Variants in PCDH15 observed in about 807,000 individuals in gnomAD.
PCDH15 encodes the protein protocadherin-15.
A neutral mutation model predicts 178.5 loss-of-function variants in PCDH15; 129 were observed. That is an observed-to-expected ratio of 0.72 (90% CI 0.63 to 0.84). PCDH15 has a LOEUF of 0.84. PCDH15 is among the 40% of genes least tolerant of loss of function. The pLI, the probability that PCDH15 is intolerant of heterozygous loss-of-function variation, is 0.00. For missense variants in PCDH15, 2,230 were observed against 2,099.9 expected (o/e 1.06, Z -1.21); for synonymous variants, 800 against 732.0 (o/e 1.09, Z -1.50).
At chr10:54,113,608 G>A (rs1296340947) in intron 15 of PCDH15, among the ~76,000 whole-genome samples, 1 of 138,584 alleles carries the variant, frequency 7.2e-6, no homozygotes, top group African/African-American at 3.1e-5. Flanking sequence ...ACTGTGTTCT[G>A]CACTTCTCTA....
intron 2 of PCDH15, among the ~76,000 whole-genome samples, chr10:55,330,202 G>T (rs565344632): frequency 4.0e-4 from 60 of 151,634 alleles, no homozygotes; most frequent in Non-Finnish European, 6.8e-4. Flanking sequence ...CTAGATATTT[G>T]AGGCTTTTAT....
At chr10:54,954,711 TC>T (rs1385585507) in intron 2 of PCDH15, among the ~76,000 whole-genome samples, 1 of 151,256 alleles carries the variant, frequency 6.6e-6, no homozygotes. Flanking sequence ...AATTTTTAGC[TC>T]TGGTAGGATT....
chr10:54,038,012 G>A (rs1027710363), intron 18 of PCDH15, among the ~76,000 whole-genome samples: 26 of 151,834 alleles, frequency 1.7e-4, no homozygotes, highest in African/African-American at 6.3e-4. Context: ...AGAAAAGACT[G>A]GGCTCAGAGG....
chr10:54,187,775 G>A (rs2048609498), intron 11 of PCDH15, among the ~76,000 whole-genome samples: 1 of 151,660 alleles, frequency 6.6e-6, no homozygotes, highest in Non-Finnish European at 1.5e-5. Context: ...TTACATTTAT[G>A]TATATTTAAA....
chr10:55,371,217 G>GA (rs1845500260), intron 2 of PCDH15, among the ~76,000 whole-genome samples: 1 of 152,066 alleles, frequency 6.6e-6, no homozygotes, highest in African/African-American at 2.4e-5. Context: ...ATTATAGGGA[G>GA]ACTACTACAG....
intron 1 of PCDH15, among the ~76,000 whole-genome samples, chr10:54,726,148 T>C (rs1942467780): frequency 6.6e-6 from 1 of 151,120 alleles, no homozygotes; most frequent in African/African-American, 2.4e-5. Context: ...CAATACTACA[T>C]GCCTTTTATA....
chr10:55,018,968 A>G (rs981350892), intron 2 of PCDH15, among the ~76,000 whole-genome samples: 2 of 152,152 alleles, frequency 1.3e-5, no homozygotes, highest in African/African-American at 4.8e-5. Flanking sequence ...ATTATCAAGT[A>G]TCATAACAAA....
At chr10:54,260,264 A>T (rs1200917544) in intron 8 of PCDH15, among the ~76,000 whole-genome samples, 3 of 152,164 alleles carry the variant, frequency 2.0e-5, no homozygotes, top group Admixed American at 1.3e-4. Context: ...GAAACTATTT[A>T]AAAAGTCCAT....
chr10:54,686,041 A>ATTTTTTTTTTTTTTTTTTT (rs66539612), intron 1 of PCDH15, among the ~76,000 whole-genome samples: 38 of 126,868 alleles, frequency 3.0e-4, no homozygotes, highest in Admixed American at 4.2e-4. Context: ...AAGACAGCCA[A>ATTTTTTTTTTTTTTTTTTT]TTTTTTTTTT....
intron 1 of PCDH15, among the ~76,000 whole-genome samples, chr10:54,687,367 C>T (rs1239156528): frequency 6.6e-6 from 1 of 152,104 alleles, no homozygotes; most frequent in African/African-American, 2.4e-5. Context: ...TACTCTTATG[C>T]TCATTGCGAC....
chr10:55,374,648 T>C (rs1588965888), intron 2 of PCDH15, among the ~76,000 whole-genome samples: 1 of 151,946 alleles, frequency 6.6e-6, no homozygotes, highest in Non-Finnish European at 1.5e-5. Flanking sequence ...ATTAATACTA[T>C]TAGTATATGT....
chr10:54,407,377 C>T (rs1189889312), intron 3 of PCDH15, among the ~76,000 whole-genome samples: 1 of 151,778 alleles, frequency 6.6e-6, no homozygotes, highest in Non-Finnish European at 1.5e-5. Flanking sequence ...CTCAAATATC[C>T]ATAAATATAA....
chr10:55,213,770 T>C (rs1840630354), intron 1 of PCDH15, among the ~76,000 whole-genome samples: 1 of 151,918 alleles, frequency 6.6e-6, no homozygotes, highest in Non-Finnish European at 1.5e-5. Context: ...AACTTCTTTA[T>C]TGCATTTGTT....
chr10:55,008,297 A>G (rs1200111101), intron 2 of PCDH15, among the ~76,000 whole-genome samples: 1 of 152,042 alleles, frequency 6.6e-6, no homozygotes, highest in Admixed American at 6.6e-5. Context: ...GTTTAACTCT[A>G]TGGGCACATG....
chr10:53,983,445 C>G (rs916109249), intron 21 of PCDH15, among the ~76,000 whole-genome samples: 7 of 151,070 alleles, frequency 4.6e-5, no homozygotes, highest in Non-Finnish European at 1.0e-4. Context: ...CTCCCTCTTC[C>G]CTGTTTTTAA....
intron 16 of PCDH15, among the ~76,000 whole-genome samples, chr10:54,089,200 CAT>C (rs1383934930): frequency 2.0e-5 from 3 of 152,196 alleles, no homozygotes; most frequent in African/African-American, 7.2e-5. Context: ...TTATGCCCCA[CAT>C]GTTCCTGAGT....
intron 17 of PCDH15, 142 bp downstream of exon 17, chr10:54,079,189 G>T: frequency 2.4e-6 from 2 of 850,436 alleles, no homozygotes; most frequent in Non-Finnish European, 4.0e-6. Flanking sequence ...ATAGCCTGTT[G>T]AAGAAAAGAG....
chr10:55,051,044 T>G (rs1383030710), intron 2 of PCDH15, among the ~76,000 whole-genome samples: 1 of 152,124 alleles, frequency 6.6e-6, no homozygotes, highest in African/African-American at 2.4e-5. Flanking sequence ...GTGTACAATA[T>G]CCCATATACT....
chr10:54,821,534 G>T (rs1953040403), intron 3 of PCDH15, among the ~76,000 whole-genome samples: 1 of 151,836 alleles, frequency 6.6e-6, no homozygotes, highest in African/African-American at 2.4e-5. Flanking sequence ...ACAATATATA[G>T]AAAAAATATT....
Sources: allele counts gnomAD v4.1 joint callset (sites outside exome capture counted in the v4.1 genomes callset), GRCh38; gene constraint gnomAD v4.1.1; transcripts MANE v1.5; gene names NCBI Gene and HGNC (gene_info 2026-07-23, HGNC 2026-07-21).